MYH10: variants seen among roughly 807,000 people sequenced by gnomAD.
MYH10 encodes myosin heavy chain 10.
A neutral mutation model predicts 257.8 loss-of-function variants in MYH10; 55 were observed. That is an observed-to-expected ratio of 0.21 (90% CI 0.17 to 0.27). MYH10 has a LOEUF of 0.27. Ranked by LOEUF, MYH10 falls within the 10% of genes least tolerant of loss-of-function variation. The probability of loss-of-function intolerance (pLI) is 1.00; values close to 1 mark genes in which losing one functional copy is unlikely to be tolerated. For missense variants in MYH10, 1,631 were observed against 2,500.6 expected (o/e 0.65, Z 7.42); for synonymous variants, 854 against 921.7 (o/e 0.93, Z 1.33).
chr17:8,591,066 G>A (rs1318928790), intron 3 of MYH10, among the ~76,000 whole-genome samples: 5 of 151,800 alleles, frequency 3.3e-5, no homozygotes, highest in African/African-American at 4.8e-5. Flanking sequence ...TAGAGACGGG[G>A]TTTCACCGTG....
intron 7 of MYH10, among the ~76,000 whole-genome samples, chr17:8,568,438 G>A (rs765004128): frequency 4.0e-5 from 6 of 151,888 alleles, no homozygotes; most frequent in African/African-American, 7.3e-5. Context: ...CCACACCATC[G>A]GTAAATTAAT....
At position 8,500,889 on chromosome 17, in the gene MYH10, G is replaced by A; in HGVS notation, c.3681C>T (p.Asp1227=). Residue 1227 remains aspartate, a synonymous_variant, in exon 29 of 43, where the codon GAC becomes GAT. Coordinates refer to ENST00000360416, the MANE Select transcript of MYH10 (RefSeq NM_001256012.3). ...GGGCTGTTGCGTGTCTTTGTCTCAT[G>A]TCCTGGATTTGAGCTTCATGGTTCT... ...ETKNHEAQIQ[D]MRQRHATALE... is the part of the protein sequence containing the mutation. 1 of 1,614,102 alleles carries A rather than the reference G, an allele frequency of 6.2e-7. No individual in the cohort carries two copies. The highest frequency in any genetic ancestry group is 8.5e-7 in the Non-Finnish European group (1 of 1,180,038).
At chr17:8,510,465 C>T (rs1285379018) in intron 24 of MYH10, among the ~76,000 whole-genome samples, 1 of 152,162 alleles carries the variant, frequency 6.6e-6, no homozygotes, top group Non-Finnish European at 1.5e-5. Flanking sequence ...CCTTTCCTTT[C>T]AACCAGCAAT....
chr17:8,478,042 T>C (rs1912986376), intron 41 of MYH10, among the ~76,000 whole-genome samples: 1 of 152,152 alleles, frequency 6.6e-6, no homozygotes, highest in African/African-American at 2.4e-5. Context: ...ATTAGGGAGA[T>C]AACAGGGAGC....
intron 24 of MYH10, among the ~76,000 whole-genome samples, chr17:8,511,356 C>T (rs2081288824): frequency 1.3e-5 from 2 of 151,950 alleles, no homozygotes; most frequent in African/African-American, 4.8e-5. Context: ...CTCGTCTCTA[C>T]TAAAAATACA....
intron 42 of MYH10, 129 bp from the exon 43 acceptor site, chr17:8,476,077 G>T (rs1912547248): frequency 1.8e-6 from 2 of 1,099,820 alleles, no homozygotes; most frequent in African/African-American, 1.6e-5. Flanking sequence ...ACCTTGTGGG[G>T]GTGGCGGTAC....
chr17:8,531,121 A>G (rs2081993204), intron 16 of MYH10, among the ~76,000 whole-genome samples: 1 of 152,232 alleles, frequency 6.6e-6, no homozygotes, highest in African/African-American at 2.4e-5. Flanking sequence ...CTGCTGTGTA[A>G]TTAATTTTAC....
intron 1 of MYH10, among the ~76,000 whole-genome samples, chr17:8,626,358 G>T (rs1245404698): frequency 1.3e-5 from 2 of 152,044 alleles, no homozygotes; most frequent in Non-Finnish European, 2.9e-5. Context: ...TCGAGTCCAG[G>T]TGTTCAAGAC....
At chr17:8,598,999 G>A (rs548467935) in intron 3 of MYH10, among the ~76,000 whole-genome samples, 1 of 152,304 alleles carries the variant, frequency 6.6e-6, no homozygotes, top group East Asian at 1.9e-4. Context: ...GAGCCATGGT[G>A]CCCAGCCTGT....
intron 12 of MYH10, among the ~76,000 whole-genome samples, chr17:8,546,055 TA>T (rs200449733): frequency 6.6e-6 from 1 of 151,176 alleles, no homozygotes; most frequent in Non-Finnish European, 1.5e-5. Flanking sequence ...AAATCACCTT[TA>T]AAAAAATTTT....
chr17:8,484,329 T>C (rs1238572212), intron 36 of MYH10, 63 bp from the exon 37 acceptor site: 3 of 1,511,540 alleles, frequency 2.0e-6, no homozygotes, highest in Non-Finnish European at 1.8e-6. Flanking sequence ...AAATAAAATT[T>C]TTTTAGAGAT....
At chr17:8,515,013 C>T (rs750566085) in intron 21 of MYH10, among the ~76,000 whole-genome samples, 1 of 152,190 alleles carries the variant, frequency 6.6e-6, no homozygotes, top group Non-Finnish European at 1.5e-5. Flanking sequence ...AGTCCACTCA[C>T]ACGGCTGCGC....
intron 1 of MYH10, among the ~76,000 whole-genome samples, chr17:8,625,277 AAAT>A (rs1031673500): frequency 1.1e-4 from 16 of 152,288 alleles, no homozygotes; most frequent in African/African-American, 3.8e-4. Context: ...AAATTTAAAA[AAAT>A]AATTTACTAG....
intron 37 of MYH10, among the ~76,000 whole-genome samples, chr17:8,483,121 G>C (rs918682301): frequency 6.6e-6 from 1 of 152,150 alleles, no homozygotes; most frequent in Non-Finnish European, 1.5e-5. Flanking sequence ...TTATTCACAG[G>C]ATGAAGAAGA....
At position 8,499,271 on chromosome 17, in the gene MYH10, T is replaced by C; in HGVS notation, c.3950A>G (p.Gln1317Arg). 1 of 1,613,102 alleles carries C rather than the reference T, an allele frequency of 6.2e-7. No individual in the cohort carries two copies. Among genetic ancestry groups the C allele is most frequent in the South Asian group, 1.1e-5 (1 of 91,038 alleles). ...VELAEKASKLQNELDNVSTLL... is the reference protein window; with the variant it reads ...VELAEKASKLRNELDNVSTLL... ...GTAGAGCGGAGGTTTCTGGCTTACC[T>C]GCAGCTTACTTGCTTTCTCCGCCAG... Residue 1317 changes from glutamine to arginine, a missense_variant and splice_region_variant, in exon 30 of 43, where the codon CAG (glutamine) becomes CGG (arginine). Around this residue, in one of 11 missense-constraint regions of MYH10, gnomAD observed 463 missense variants for 621.8 expected, o/e 0.74. Coordinates refer to ENST00000360416, the MANE Select transcript of MYH10 (RefSeq NM_001256012.3).
chr17:8,490,699 T>G lies in MYH10; in HGVS notation c.4672-147A>C. On this transcript the variant is annotated intron_variant, in intron 34 of 42. Transcript: ENST00000360416. This position sits in a 1 kb window ranked among gnomAD's most constrained non-coding sequence, Gnocchi z 4.1. ...CCCCCTGCCACATGCATACACATCC[T>G]TCCCTCTCCCCTGAAAGCTGCTGCT... is the stretch of plus-strand genomic sequence containing the variant. 1.5e-6 allele frequency: 1 copy of G among 680,588 alleles called. No homozygotes were observed. Among genetic ancestry groups the G allele is most frequent in the Non-Finnish European group, 2.6e-6 (1 of 383,850 alleles). 42.2% of individuals were successfully genotyped at this position (680,588 alleles called of 1,614,324 possible). A position where few individuals can be genotyped will look rare whatever the true frequency, so the allele number is the denominator to read the frequency against.
chr17:8,625,729 C>A (rs2085650361), intron 1 of MYH10, among the ~76,000 whole-genome samples: 1 of 152,152 alleles, frequency 6.6e-6, no homozygotes, highest in African/African-American at 2.4e-5. Context: ...GATCCACCTG[C>A]CTCGGCCTCC....
At chr17:8,620,832 G>A (rs866249122) in intron 2 of MYH10, among the ~76,000 whole-genome samples, 3 of 152,162 alleles carry the variant, frequency 2.0e-5, no homozygotes, top group African/African-American at 2.4e-5. Flanking sequence ...CCCAAACCCC[G>A]ACCTCTGTGT....
intron 23 of MYH10, among the ~76,000 whole-genome samples, chr17:8,512,973 TG>T (rs2081348703): frequency 6.6e-6 from 1 of 152,208 alleles, no homozygotes; most frequent in Non-Finnish European, 1.5e-5. Context: ...AAGTTCATGG[TG>T]ATTACTAATG....
Sources: allele counts gnomAD v4.1 joint callset (sites outside exome capture counted in the v4.1 genomes callset), GRCh38; gene constraint gnomAD v4.1.1; regional missense constraint gnomAD v4.1.1; non-coding constraint Gnocchi (gnomAD v3.1); transcripts MANE v1.5; gene names NCBI Gene and HGNC (gene_info 2026-07-23, HGNC 2026-07-21).